Variants in SORCS3 observed in about 807,000 individuals in gnomAD.
SORCS3 encodes VPS10 domain-containing receptor SorCS3.
A neutral mutation model predicts 146.3 loss-of-function variants in SORCS3; 57 were observed. That is an observed-to-expected ratio of 0.39 (90% CI 0.31 to 0.49). The LOEUF is 0.49. Ranked by LOEUF, SORCS3 falls within the 20% of genes least tolerant of loss-of-function variation. The pLI, the probability that SORCS3 is intolerant of heterozygous loss-of-function variation, is 0.92. For synonymous variants in SORCS3, 653 were observed against 618.5 expected (o/e 1.06, Z -0.83); for missense variants, 1,341 against 1,575.5 (o/e 0.85, Z 2.52).
At chr10:105,172,429 A>G (rs960730304) in intron 13 of SORCS3, among the ~76,000 whole-genome samples, 2 of 152,188 alleles carry the variant, frequency 1.3e-5, no homozygotes, top group Non-Finnish European at 1.5e-5. Flanking sequence ...GAAGGGTCAC[A>G]TGGAAATCTT....
intron 19 of SORCS3, among the ~76,000 whole-genome samples, chr10:105,220,009 T>C (rs1208037399): frequency 6.6e-6 from 1 of 152,204 alleles, no homozygotes; most frequent in Non-Finnish European, 1.5e-5. Flanking sequence ...CTCTTGGCCT[T>C]ACCCTGGGCC....
intron 1 of SORCS3, among the ~76,000 whole-genome samples, chr10:104,759,822 C>T (rs547886197): frequency 1.3e-5 from 2 of 152,246 alleles, no homozygotes; most frequent in East Asian, 1.9e-4. Flanking sequence ...CCTGTTGGTT[C>T]TGGGTCAGTG....
chr10:104,933,507 G>A (rs1420586997), intron 3 of SORCS3, among the ~76,000 whole-genome samples: 1 of 152,034 alleles, frequency 6.6e-6, no homozygotes, highest in African/African-American at 2.4e-5. Flanking sequence ...GAGACAGAGT[G>A]GGGCCCAGCC....
At position 104,696,595 on chromosome 10, in the gene SORCS3, C is replaced by T. The variant is rs1418323814; in HGVS notation, c.627+54641C>T. 3.7e-5 allele frequency among the ~76,000 whole-genome samples: 3 copies of T among 80,246 alleles called. 1 individual carries two copies. Among genetic ancestry groups the T allele is most frequent in the African/African-American group, 1.1e-4 (2 of 18,716 alleles). 52.6% of individuals were successfully genotyped at this position (80,246 alleles called of 152,430 possible). ...TATAATATATAATATATATTATATA[C>T]GTATATATTATATATAATATATATT... On this transcript the variant is annotated intron_variant, in intron 1 of 26. Transcript: ENST00000369701.
At chr10:104,669,349 C>T (rs558563481) in intron 1 of SORCS3, among the ~76,000 whole-genome samples, 7 of 152,256 alleles carry the variant, frequency 4.6e-5, no homozygotes, top group South Asian at 2.1e-4. Context: ...ATCTCTAGAA[C>T]GCTTTTCATC....
chr10:105,122,931 G>A (rs1233007911), intron 7 of SORCS3, among the ~76,000 whole-genome samples: 5 of 152,160 alleles, frequency 3.3e-5, no homozygotes, highest in African/African-American at 1.2e-4. Flanking sequence ...GGCGTTCCTG[G>A]GTTTAAGTCT....
At chr10:104,918,009 G>T (rs1423713883) in intron 3 of SORCS3, among the ~76,000 whole-genome samples, 1 of 152,148 alleles carries the variant, frequency 6.6e-6, no homozygotes, top group Non-Finnish European at 1.5e-5. Flanking sequence ...TAGTCGAATT[G>T]CTTGTTCATA....
intron 2 of SORCS3, among the ~76,000 whole-genome samples, chr10:104,881,309 G>A (rs1200953703): frequency 6.6e-6 from 1 of 152,172 alleles, no homozygotes; most frequent in Non-Finnish European, 1.5e-5. Context: ...TAGCTTCGTG[G>A]TGTGCAATTG....
intron 1 of SORCS3, among the ~76,000 whole-genome samples, chr10:104,811,432 A>G (rs1027757077): frequency 7.9e-5 from 12 of 152,326 alleles, no homozygotes; most frequent in African/African-American, 2.2e-4. Flanking sequence ...TTTACTCCTC[A>G]CAGTTGCCTG....
chr10:104,909,394 GAGGAA>G lies in SORCS3; in HGVS notation c.696-6433_696-6429del, dbSNP rs1589545583. 3.3e-5 allele frequency among the ~76,000 whole-genome samples: 5 copies of G among 152,266 alleles called. No homozygotes were observed. The East Asian group carries it at 9.7e-4, about 29-fold the overall frequency. Reference sequence around the variant, plus strand: ...AACATGGCAACGCAGAAGTTGCTGAGAGGAAAGGAACAACCACAACTGTGGTTGTT... The same window carrying G: ...AACATGGCAACGCAGAAGTTGCTGAGAGGAACAACCACAACTGTGGTTGTT... On this transcript the variant is annotated intron_variant, in intron 2 of 26. Coordinates refer to ENST00000369701, the MANE Select transcript of SORCS3 (RefSeq NM_014978.3).
rs954319656 is a variant in SORCS3 at position 104,820,995 on chromosome 10, G to T, written c.628-21797G>T. 3.9e-5 allele frequency among the ~76,000 whole-genome samples: 6 copies of T among 152,148 alleles called. No homozygotes were observed. In the East Asian group the frequency reaches 1.2e-3, roughly 29 times the overall value. On this transcript the variant is annotated intron_variant, in intron 1 of 26. Transcript: ENST00000369701. ...CAGAAGAAAGATTGATTGACTGATT[G>T]AACAGAAAGGACTAGATGTTTATGG...
At chr10:104,920,222 G>A (rs1195598574) in intron 3 of SORCS3, among the ~76,000 whole-genome samples, 1 of 152,180 alleles carries the variant, frequency 6.6e-6, no homozygotes, top group Non-Finnish European at 1.5e-5. Context: ...TTTAACAGAT[G>A]GCTGCTGCTT....
intron 14 of SORCS3, among the ~76,000 whole-genome samples, chr10:105,185,388 C>G (rs2056468793): frequency 6.6e-6 from 1 of 152,160 alleles, no homozygotes; most frequent in South Asian, 2.1e-4. Context: ...CCAACATTCT[C>G]CTGAAGCTGC....
At chr10:104,709,713 A>T (rs1447057878) in intron 1 of SORCS3, among the ~76,000 whole-genome samples, 1 of 152,180 alleles carries the variant, frequency 6.6e-6, no homozygotes, top group Non-Finnish European at 1.5e-5. Flanking sequence ...AACTAATTGC[A>T]AAGCCCATAC....
In SORCS3 at chr10:104,668,801, T is replaced by C. The variant is rs1213989758; in HGVS notation, c.627+26847T>C. Among the ~76,000 whole-genome samples, 4 of 152,212 alleles carry C rather than the reference T, an allele frequency of 2.6e-5. No homozygotes were observed. The South Asian group carries it at 6.2e-4, about 24-fold the overall frequency. ...AATTGTTCACCATTTACAGGCACCATAGGTGAAGGGAGTCTAGGAAGAATA... is the reference window on the plus strand; with the variant it reads ...AATTGTTCACCATTTACAGGCACCACAGGTGAAGGGAGTCTAGGAAGAATA... On this transcript the variant is annotated intron_variant, in intron 1 of 26. Transcript: ENST00000369701.
intron 3 of SORCS3, among the ~76,000 whole-genome samples, chr10:104,928,450 A>G (rs2019172457): frequency 6.6e-6 from 1 of 152,210 alleles, no homozygotes; most frequent in African/African-American, 2.4e-5. Context: ...ACAGCCATAT[A>G]GCAAATGGAT....
intron 1 of SORCS3, chr10:104,666,120 A>T (rs1189409767): frequency 6.6e-6 from 1 of 152,058 alleles, no homozygotes; most frequent in African/African-American, 2.4e-5. Flanking sequence ...CAGAACTGGA[A>T]CTTTCCCTCT....
At chr10:104,673,492 C>G (rs11192154) in intron 1 of SORCS3, among the ~76,000 whole-genome samples, 62,056 of 151,642 alleles carry the variant, frequency 0.41, 14,235 homozygotes, top group Middle Eastern at 0.64. Context: ...GAGGCAGAGT[C>G]TCACTCTGTT....
chr10:104,871,222 TACAG>T (rs142272856), intron 2 of SORCS3, among the ~76,000 whole-genome samples: 3,957 of 152,326 alleles, frequency 0.026, 86 homozygotes, highest in Non-Finnish European at 0.037. Flanking sequence ...ATATCTGTTT[TACAG>T]ACAAAGAAAC....
Sources: gnomAD v4.1 joint callset for allele counts (sites outside exome capture counted in the v4.1 genomes callset) on GRCh38, gnomAD v4.1.1 for gene constraint, MANE v1.5 for transcripts, NCBI Gene and HGNC (gene_info 2026-07-23, HGNC 2026-07-21) for gene names.